Variants in DGKE observed in about 807,000 individuals in gnomAD.
DGKE encodes diacylglycerol kinase epsilon, also known as DAG kinase epsilon.
In DGKE, 53 loss-of-function variants were observed where a neutral mutation model predicts 70.0. The ratio of observed to expected loss-of-function variants is 0.76; its 90% CI spans 0.61 to 0.95. The LOEUF is 0.95. Ranked by LOEUF, DGKE falls within the 40% of genes least tolerant of loss-of-function variation. DGKE has a pLI of 0.00. For synonymous variants in DGKE, 291 were observed against 257.0 expected (o/e 1.13, Z -1.27); for missense variants, 655 against 706.9 (o/e 0.93, Z 0.83).
At chr17:56,844,827 G>A (rs976221725) in intron 3 of DGKE, among the ~76,000 whole-genome samples, 2 of 152,068 alleles carry the variant, frequency 1.3e-5, no homozygotes, top group Non-Finnish European at 2.9e-5. Flanking sequence ...CAGTCTTTAT[G>A]TAGCTCTTAA....
intron 7 of DGKE, among the ~76,000 whole-genome samples, chr17:56,854,750 A>G (rs1243104322): frequency 6.6e-6 from 1 of 152,248 alleles, no homozygotes; most frequent in Non-Finnish European, 1.5e-5. Flanking sequence ...AGAGCTGAGT[A>G]TTTAAAAATA....
intron 4 of DGKE, among the ~76,000 whole-genome samples, chr17:56,846,836 T>A (rs1285284239): frequency 6.6e-6 from 1 of 152,202 alleles, no homozygotes; most frequent in Non-Finnish European, 1.5e-5. Flanking sequence ...CCATTAATTA[T>A]CTATGCATTT....
Position 56,848,682 on chromosome 17 carries a change from C to T in DGKE, c.889-14C>T. 1.2e-6 allele frequency: 2 copies of T among 1,609,752 alleles called. No individual in the cohort carries two copies. The highest frequency in any genetic ancestry group is 1.7e-6 in the Non-Finnish European group (2 of 1,177,618). On this transcript the variant is annotated splice_polypyrimidine_tract_variant and intron_variant, in intron 5 of 11. Coordinates refer to ENST00000284061, the MANE Select transcript of DGKE (RefSeq NM_003647.3). ...TCTGAGAGAAAAATCTAAAACATATCTTCCATATTCTAGGGACAAGAAAAG... is the reference window on the plus strand; with the variant it reads ...TCTGAGAGAAAAATCTAAAACATATTTTCCATATTCTAGGGACAAGAAAAG...
chr17:56,847,117 T>G (rs1449751694), intron 4 of DGKE, among the ~76,000 whole-genome samples: 1 of 152,226 alleles, frequency 6.6e-6, no homozygotes, highest in East Asian at 1.9e-4. Context: ...GAAATATTTT[T>G]CTAGGGTCGT....
chr17:56,859,808 A>G (rs1293829741), intron 9 of DGKE, among the ~76,000 whole-genome samples: 1 of 152,232 alleles, frequency 6.6e-6, no homozygotes, highest in Non-Finnish European at 1.5e-5. Context: ...ATTCAGAGAA[A>G]CCTAGAACTG....
At chr17:56,860,980 G>C (rs1908253437) in intron 9 of DGKE, among the ~76,000 whole-genome samples, 1 of 152,228 alleles carries the variant, frequency 6.6e-6, no homozygotes, top group Admixed American at 6.5e-5. Context: ...ATTAGAGGAT[G>C]ACATATTTGC....
chr17:56,850,214 C>A (rs1186053233), intron 7 of DGKE, among the ~76,000 whole-genome samples: 1 of 152,002 alleles, frequency 6.6e-6, no homozygotes, highest in African/African-American at 2.4e-5. Context: ...CAGCCTCGAC[C>A]TCTGGGCCCA....
chr17:56,847,843 C>T, intron 4 of DGKE, 79 bp from the exon 5 acceptor site: 1 of 1,060,146 alleles, frequency 9.4e-7, no homozygotes, highest in Non-Finnish European at 1.3e-6. Context: ...TGTATCTCTA[C>T]TCATCTAGAG....
At chr17:56,851,947 A>G (rs1907675596) in intron 7 of DGKE, among the ~76,000 whole-genome samples, 1 of 152,228 alleles carries the variant, frequency 6.6e-6, no homozygotes, top group South Asian at 2.1e-4. Flanking sequence ...ACACACCTGT[A>G]GTTCCAGCAA....
In DGKE at chr17:56,862,915, T is replaced by C. The variant is rs1034450974; in HGVS notation, c.*124T>C. 7 of 774,106 alleles carry C rather than the reference T, an allele frequency of 9.0e-6. No homozygotes were observed. The highest frequency in any genetic ancestry group is 1.2e-5 in the Non-Finnish European group (7 of 560,826). The allele number at this position is 774,106 out of a possible 1,614,324, so 48.0% of individuals were successfully genotyped here. On this transcript the variant is annotated 3_prime_UTR_variant, in exon 12 of 12. Transcript: ENST00000284061. ...TTAATTTCACTAGTAGTATAATGGG[T>C]ATACATTTTTGTAAATAGCATCCCC...
At chr17:56,853,759 T>A (rs1465887022) in intron 7 of DGKE, among the ~76,000 whole-genome samples, 1 of 152,006 alleles carries the variant, frequency 6.6e-6, no homozygotes, top group Non-Finnish European at 1.5e-5. Flanking sequence ...TGGAGGTTTC[T>A]CAAAAAACTA....
chr17:56,850,237 AC>A (rs1288123805), intron 7 of DGKE, among the ~76,000 whole-genome samples: 1 of 151,514 alleles, frequency 6.6e-6, no homozygotes, highest in African/African-American at 2.4e-5. Context: ...CGATCCTCCC[AC>A]CTCAGCCTCC....
intron 4 of DGKE, 22 bp from the exon 5 acceptor site, chr17:56,847,900 T>C: frequency 6.6e-7 from 1 of 1,521,442 alleles, no homozygotes; most frequent in Non-Finnish European, 8.9e-7. Context: ...AAAAATAATT[T>C]GTCTTTTTCT....
intron 7 of DGKE, among the ~76,000 whole-genome samples, chr17:56,851,793 A>G (rs1907666217): frequency 6.6e-6 from 1 of 152,240 alleles, no homozygotes; most frequent in South Asian, 2.1e-4. Context: ...TATTAATAGA[A>G]CAGGGTTCTA....
In DGKE at chr17:56,862,195, C is replaced by CA; in HGVS notation, c.1469dup (p.Ile491AspfsTer7). ...AGTATATGGGTCTTTCCACTGTGCT[C>CA]AGATTCAAGTAAAACTGGCTAATCC... On this transcript the variant is annotated frameshift_variant, in exon 11 of 12. Coordinates refer to ENST00000284061, the MANE Select transcript of DGKE (RefSeq NM_003647.3). LOFTEE classifies it high-confidence loss of function. The CA allele has an allele frequency of 6.2e-7, 1 of 1,614,158 alleles. No individual in the cohort carries two copies. Among genetic ancestry groups the CA allele is most frequent in the Non-Finnish European group, 8.5e-7 (1 of 1,180,032 alleles).
chr17:56,868,033 C>T lies in DGKE; in HGVS notation c.*5242C>T, dbSNP rs1908605180. ...TAAAGGACGACATCAACACAGAATGCACTAAACAGGAAATAAGCTGTAATC... is the reference window on the plus strand; with the variant it reads ...TAAAGGACGACATCAACACAGAATGTACTAAACAGGAAATAAGCTGTAATC... On this transcript the variant is annotated 3_prime_UTR_variant, in exon 12 of 12. Transcript: ENST00000284061. 1 of 152,222 alleles carries T rather than the reference C, an allele frequency of 6.6e-6. No homozygotes were observed. The highest frequency in any genetic ancestry group is 1.5e-5 in the Non-Finnish European group (1 of 68,042). The allele number at this position is 152,222 out of a possible 1,614,324, so 9.4% of individuals were successfully genotyped here.
rs768531881 is a variant in DGKE at position 56,858,570 on chromosome 17, A to G, written c.1213-24A>G. On this transcript the variant is annotated intron_variant, in intron 8 of 11. Transcript: ENST00000284061. Reference sequence around the variant, plus strand: ...TACAGGGTTAGATTGTTTTAATATTATATTTTCTGTCCATTTTTCATAGGC... The same window carrying G: ...TACAGGGTTAGATTGTTTTAATATTGTATTTTCTGTCCATTTTTCATAGGC... The G allele has an allele frequency of 8.3e-6, 13 of 1,567,182 alleles. No homozygotes were observed. The African/African-American group carries it at 1.6e-4, about 20-fold the overall frequency.
At position 56,862,773 on chromosome 17, in the gene DGKE, T is replaced by A. The variant is rs1428960040; in HGVS notation, c.1686T>A (p.Asp562Glu). Residue 562 changes from aspartate to glutamate, a missense_variant, in exon 12 of 12, where the codon GAT becomes GAA. By Grantham distance (45) the Asp-to-Glu change is conservative. Transcript: ENST00000284061. Reference protein sequence around the residue: ...DDISSTSDQEDIKATE With the variant: ...DDISSTSDQEEIKATE ...TCTCTAGTACTTCGGATCAAGAAGA[T>A]ATAAAGGCGACTGAATAGATGGATG... is the stretch of plus-strand genomic sequence containing the variant. 2 of 1,580,900 alleles carry A rather than the reference T, an allele frequency of 1.3e-6. No homozygotes were observed. Among genetic ancestry groups the A allele is most frequent in the Non-Finnish European group, 1.7e-6 (2 of 1,170,098 alleles).
chr17:56,860,844 A>AGT (rs60179185), intron 9 of DGKE, among the ~76,000 whole-genome samples: 106,857 of 151,870 alleles, frequency 0.7, 37,982 homozygotes, highest in East Asian at 0.91. Context: ...CAGGAAGGAA[A>AGT]GACAAGCGCT....
Sources: allele counts gnomAD v4.1 joint callset (sites outside exome capture counted in the v4.1 genomes callset), GRCh38; gene constraint gnomAD v4.1.1; transcripts MANE v1.5; gene names NCBI Gene and HGNC (gene_info 2026-07-23, HGNC 2026-07-21).